MYO3A: variants seen among roughly 807,000 people sequenced by gnomAD.
MYO3A encodes the protein myosin-IIIa.
MYO3A carries 180 observed loss-of-function variants against 192.7 expected under a neutral mutation model. The ratio of observed to expected loss-of-function variants is 0.93; its 90% CI spans 0.83 to 1.06. The LOEUF (loss-of-function observed/expected upper bound fraction) is 1.06, where lower values mean the gene tolerates loss of function less well. Ranked by LOEUF, MYO3A falls within the 50% of genes least tolerant of loss-of-function variation. The probability of loss-of-function intolerance (pLI) is 0.00; values close to 1 mark genes in which losing one functional copy is unlikely to be tolerated. For synonymous variants in MYO3A, 628 were observed against 645.3 expected (o/e 0.97, Z 0.41); for missense variants, 1,896 against 1,905.0 (o/e 1.00, Z 0.09).
intron 10 of MYO3A, among the ~76,000 whole-genome samples, chr10:26,053,492 A>G (rs1564498994): frequency 6.6e-6 from 1 of 152,192 alleles, no homozygotes; most frequent in Non-Finnish European, 1.5e-5. Flanking sequence ...TAAAAAGTTT[A>G]TTGAGCAGTG....
Position 26,026,471 on chromosome 10 carries a change from C to T in MYO3A, c.892C>T (p.Gln298Ter), listed in dbSNP as rs563832490. The change falls in exon 10 of 35, where the codon CAA (glutamine) becomes TAA (stop). Residue 298 changes from glutamine (Q) to a stop codon, truncating the protein, a stop_gained. Coordinates refer to ENST00000642920, the MANE Select transcript of MYO3A (RefSeq NM_017433.5). LOFTEE classifies it high-confidence loss of function. The stretch of plus-strand genomic sequence containing the variant: ...AATTGAGGGCAAAGATGTGATGCTA[C>T]AAAAACAACTAACGGAATTCATTGG... ...TQIEGKDVML[Q>*]KQLTEFIGIH... 7.9e-5 allele frequency: 128 copies of T among 1,614,070 alleles called. 2 individuals carry two copies. The South Asian group carries it at 1.4e-3, about 18-fold the overall frequency.
chr10:26,164,419 A>AATTT (rs1444877310), intron 26 of MYO3A, among the ~76,000 whole-genome samples: 1 of 152,106 alleles, frequency 6.6e-6, no homozygotes, highest in Non-Finnish European at 1.5e-5. Flanking sequence ...TGAACAAATG[A>AATTT]ATTTTTATTT....
chr10:26,151,713 C>G (rs921149295), intron 23 of MYO3A, among the ~76,000 whole-genome samples: 2 of 152,098 alleles, frequency 1.3e-5, no homozygotes, highest in Non-Finnish European at 1.5e-5. Context: ...CATCTTGCCA[C>G]TTGTTTTCTG....
chr10:26,114,428 A>G (rs900598915), intron 17 of MYO3A, among the ~76,000 whole-genome samples: 2 of 152,164 alleles, frequency 1.3e-5, no homozygotes, highest in African/African-American at 4.8e-5. Context: ...AAAGGAAATC[A>G]TATATTTCCC....
At chr10:26,038,567 A>T (rs1203727461) in intron 10 of MYO3A, among the ~76,000 whole-genome samples, 1 of 152,168 alleles carries the variant, frequency 6.6e-6, no homozygotes, top group Non-Finnish European at 1.5e-5. Flanking sequence ...CTGATTTATC[A>T]GTTCTAATAG....
intron 10 of MYO3A, among the ~76,000 whole-genome samples, chr10:26,048,704 A>G (rs1174435283): frequency 6.6e-6 from 1 of 152,142 alleles, no homozygotes; most frequent in Non-Finnish European, 1.5e-5. Context: ...CGTGCATTCT[A>G]TTGTGGTCCT....
chr10:26,154,340 C>T (rs1041850910), intron 24 of MYO3A, among the ~76,000 whole-genome samples: 1 of 152,112 alleles, frequency 6.6e-6, no homozygotes, highest in Non-Finnish European at 1.5e-5. Context: ...CACCCACACC[C>T]AGCTAATTTT....
chr10:26,173,855 G>A lies in MYO3A; in HGVS notation c.3591G>A (p.Glu1197=), dbSNP rs548728807. The stretch of plus-strand genomic sequence containing the variant: ...CAAAAAAAATGAATAATGTGTATGA[G>A]GAAGAGGTTAAGCAAGAATTCTACC... ...QTPKKMNNVY[E]EEVKQEFYLV... is the part of the protein sequence containing the mutation. Residue 1197 remains glutamate, a synonymous_variant, in exon 30 of 35, where the codon GAG becomes GAA. Transcript: ENST00000642920. 6 of 1,614,002 alleles carry A rather than the reference G, an allele frequency of 3.7e-6. No homozygotes were observed. The South Asian group carries it at 4.4e-5, about 12-fold the overall frequency.
chr10:26,074,586 TA>T (rs1835412931), intron 14 of MYO3A, among the ~76,000 whole-genome samples: 1 of 147,702 alleles, frequency 6.8e-6, no homozygotes, highest in South Asian at 2.1e-4. Context: ...TATATATATA[TA>T]AAATATATAA....
At chr10:26,159,896 A>G (rs1385111442) in intron 26 of MYO3A, among the ~76,000 whole-genome samples, 2 of 152,148 alleles carry the variant, frequency 1.3e-5, no homozygotes, top group Non-Finnish European at 1.5e-5. Flanking sequence ...CCTACAGATC[A>G]GACACAATTT....
intron 6 of MYO3A, among the ~76,000 whole-genome samples, chr10:26,003,950 G>C (rs562297115): frequency 6.6e-6 from 1 of 152,280 alleles, no homozygotes; most frequent in South Asian, 2.1e-4. Context: ...GCTGTGATTT[G>C]TTTATTAATA....
intron 20 of MYO3A, among the ~76,000 whole-genome samples, chr10:26,137,032 A>C (rs1409627973): frequency 4.0e-5 from 6 of 149,918 alleles, no homozygotes; most frequent in African/African-American, 1.5e-4. Flanking sequence ...AACAAAACAA[A>C]AAAAAAAGAC....
intron 22 of MYO3A, among the ~76,000 whole-genome samples, chr10:26,146,434 AT>A (rs1352960704): frequency 1.3e-5 from 2 of 152,146 alleles, no homozygotes; most frequent in South Asian, 2.1e-4. Flanking sequence ...ACAGAAATTT[AT>A]TTTTTTGACA....
chr10:26,032,696 T>C (rs1842857160), intron 10 of MYO3A, among the ~76,000 whole-genome samples: 1 of 151,968 alleles, frequency 6.6e-6, no homozygotes, highest in Non-Finnish European at 1.5e-5. Flanking sequence ...CGTGGGACTT[T>C]ATGTAATGTA....
intron 6 of MYO3A, among the ~76,000 whole-genome samples, chr10:26,013,981 A>G (rs1841826895): frequency 6.6e-6 from 1 of 152,120 alleles, no homozygotes; most frequent in Admixed American, 6.6e-5. Flanking sequence ...AACAACTTGG[A>G]TGGAGCTGGA....
At chr10:26,034,946 C>T (rs56276127) in intron 10 of MYO3A, among the ~76,000 whole-genome samples, 24,523 of 149,648 alleles carry the variant, frequency 0.16, 2,264 homozygotes, top group Non-Finnish European at 0.21. Flanking sequence ...TGTGTGTGTG[C>T]GCACACATCA....
chr10:26,133,274 G>A (rs1350139766), intron 20 of MYO3A, among the ~76,000 whole-genome samples: 1 of 152,156 alleles, frequency 6.6e-6, no homozygotes, highest in Non-Finnish European at 1.5e-5. Flanking sequence ...TCCTTTTTAA[G>A]TGCTTGACCA....
chr10:26,177,098 C>T (rs747169604), intron 31 of MYO3A, among the ~76,000 whole-genome samples: 9 of 150,780 alleles, frequency 6.0e-5, no homozygotes, highest in East Asian at 2.0e-4. Context: ...TGGCATATGA[C>T]GCCACAAGGG....
chr10:25,989,048 A>G (rs1416362936), intron 4 of MYO3A, among the ~76,000 whole-genome samples: 1 of 150,068 alleles, frequency 6.7e-6, no homozygotes, highest in Admixed American at 6.7e-5. Flanking sequence ...GGCTCATGCA[A>G]TCCTGCCTCA....
Sources: allele counts gnomAD v4.1 joint callset (sites outside exome capture counted in the v4.1 genomes callset), GRCh38; gene constraint gnomAD v4.1.1; transcripts MANE v1.5; gene names NCBI Gene and HGNC (gene_info 2026-07-23, HGNC 2026-07-21).